The following TPD52L1 variants were observed in gnomAD, a reference collection of about 807,000 sequenced individuals.
The protein encoded by TPD52L1 is tumor protein D53.
In TPD52L1, 18 loss-of-function variants were observed where a neutral mutation model predicts 28.7. The ratio of observed to expected loss-of-function variants is 0.63; its 90% CI spans 0.43 to 0.93. The LOEUF (loss-of-function observed/expected upper bound fraction) is 0.93, where lower values mean the gene tolerates loss of function less well. Among genes scored for constraint, TPD52L1 ranks in the 40% least tolerant of loss-of-function variants. TPD52L1 has a pLI of 0.00. For missense variants in TPD52L1, 203 were observed against 254.8 expected (o/e 0.80, Z 1.39); for synonymous variants, 75 against 88.8 (o/e 0.84, Z 0.88).
chr6:125,182,391 G>T (rs1180300004), intron 1 of TPD52L1, among the ~76,000 whole-genome samples: 1 of 152,260 alleles, frequency 6.6e-6, no homozygotes, highest in African/African-American at 2.4e-5. Flanking sequence ...TGAGCAAAGT[G>T]TTGCAGGAGT....
chr6:125,161,592 A>G (rs1313720634), intron 1 of TPD52L1, among the ~76,000 whole-genome samples: 1 of 152,116 alleles, frequency 6.6e-6, no homozygotes, highest in Non-Finnish European at 1.5e-5. Context: ...TTGGCATACT[A>G]TCAATATTGT....
chr6:125,203,675 A>G, intron 1 of TPD52L1: 1 of 985,462 alleles, frequency 1.0e-6, no homozygotes, highest in Non-Finnish European at 1.2e-6. Flanking sequence ...ACCTCAGGTC[A>G]GGAATAAAAG....
chr6:125,206,306 C>A (rs926387516), intron 1 of TPD52L1, among the ~76,000 whole-genome samples: 1 of 151,180 alleles, frequency 6.6e-6, no homozygotes, highest in East Asian at 1.9e-4. Flanking sequence ...TGTCTTAGTG[C>A]AATTTATAAT....
chr6:125,246,474 A>T (rs1334068022), intron 3 of TPD52L1, among the ~76,000 whole-genome samples: 1 of 152,216 alleles, frequency 6.6e-6, no homozygotes, highest in Non-Finnish European at 1.5e-5. Flanking sequence ...GATGCACATT[A>T]GCCCTGTCTC....
intron 3 of TPD52L1, among the ~76,000 whole-genome samples, chr6:125,244,567 A>C (rs1279251852): frequency 2.0e-5 from 3 of 152,170 alleles, no homozygotes; most frequent in Non-Finnish European, 2.9e-5. Flanking sequence ...TGATGTTCCA[A>C]GTAGGGAAGA....
intron 1 of TPD52L1, among the ~76,000 whole-genome samples, chr6:125,172,537 T>TATATATATAATATATATATATATATA (rs1791520931): frequency 6.8e-5 from 6 of 88,880 alleles, no homozygotes; most frequent in African/African-American, 3.0e-4. Context: ...TATATATATA[T>TATATATATAATATATATATATATATA]ATATATATAT....
At chr6:125,170,652 A>C (rs1347574487) in intron 1 of TPD52L1, among the ~76,000 whole-genome samples, 5 of 152,038 alleles carry the variant, frequency 3.3e-5, no homozygotes, top group Non-Finnish European at 7.3e-5. Flanking sequence ...TGAGTAATAA[A>C]TTGTCTTTTG....
At chr6:125,214,226 C>A (rs1476240725) in intron 1 of TPD52L1, among the ~76,000 whole-genome samples, 1 of 152,152 alleles carries the variant, frequency 6.6e-6, no homozygotes, top group Non-Finnish European at 1.5e-5. Context: ...TTGATATAAT[C>A]CTTAGGTCAT....
At chr6:125,208,877 G>A in intron 1 of TPD52L1, 1 of 985,130 alleles carries the variant, frequency 1.0e-6, no homozygotes, top group South Asian at 4.7e-5. Flanking sequence ...CCTCACACCA[G>A]TGAAGAGAAC....
In TPD52L1 at chr6:125,153,822, G is replaced by C; in HGVS notation, c.-130G>C. The C allele has an allele frequency of 9.1e-7, 1 of 1,101,338 alleles. No individual in the cohort carries two copies. Among genetic ancestry groups the C allele is most frequent in the African/African-American group, 1.6e-5 (1 of 62,010 alleles). 68.2% of individuals were successfully genotyped at this position (1,101,338 alleles called of 1,614,324 possible). A position where few individuals can be genotyped will look rare whatever the true frequency, so the allele number is the denominator to read the frequency against. ...GCGTCCCCAACCCCCTCCGCGCAGCGCTCGCGACACGCGTGCCAGGAGTGG... is the reference window on the plus strand; with the variant it reads ...GCGTCCCCAACCCCCTCCGCGCAGCCCTCGCGACACGCGTGCCAGGAGTGG... On this transcript the variant is annotated 5_prime_UTR_variant, in exon 1 of 7. Transcript: ENST00000534000.
chr6:125,184,536 C>T (rs1792457541), intron 1 of TPD52L1, among the ~76,000 whole-genome samples: 1 of 152,122 alleles, frequency 6.6e-6, no homozygotes, highest in African/African-American at 2.4e-5. Flanking sequence ...CAGGTATGTC[C>T]ACACAGAGAG....
chr6:125,163,647 C>T (rs755076235), intron 1 of TPD52L1, among the ~76,000 whole-genome samples: 2 of 150,706 alleles, frequency 1.3e-5, no homozygotes, highest in African/African-American at 2.4e-5. Flanking sequence ...TACAACAGGC[C>T]GGGCGTGGTG....
At chr6:125,253,636 A>G in intron 4 of TPD52L1, 81 bp from the exon 5 acceptor site, 2 of 1,250,140 alleles carry the variant, frequency 1.6e-6, no homozygotes, top group Admixed American at 3.8e-5. Context: ...TTTTAGAACT[A>G]CGAATAGGGA....
chr6:125,214,457 C>T, intron 1 of TPD52L1: 1 of 984,364 alleles, frequency 1.0e-6, no homozygotes, highest in Non-Finnish European at 1.2e-6. Flanking sequence ...AGGCACATAC[C>T]TCCTCGGTAA....
chr6:125,199,069 C>G (rs1443096639), intron 1 of TPD52L1, among the ~76,000 whole-genome samples: 2 of 152,150 alleles, frequency 1.3e-5, no homozygotes, highest in African/African-American at 4.8e-5. Flanking sequence ...GGACAAAAAG[C>G]CTATCAAATC....
chr6:125,165,560 A>G (rs181438393), intron 1 of TPD52L1, among the ~76,000 whole-genome samples: 1 of 152,198 alleles, frequency 6.6e-6, no homozygotes, highest in Non-Finnish European at 1.5e-5. Flanking sequence ...CTGTAGCCAG[A>G]TCATGTACCA....
At chr6:125,220,762 G>GGGA (rs1795181693) in intron 2 of TPD52L1, among the ~76,000 whole-genome samples, 1 of 152,206 alleles carries the variant, frequency 6.6e-6, no homozygotes, top group South Asian at 2.1e-4. Flanking sequence ...TCCGGACCTA[G>GGGA]GGAGGAGGAG....
intron 1 of TPD52L1, among the ~76,000 whole-genome samples, chr6:125,203,219 T>C (rs1793903541): frequency 6.6e-6 from 1 of 152,202 alleles, no homozygotes; most frequent in African/African-American, 2.4e-5. Context: ...GTTTTTATTT[T>C]TCCTCATACA....
At chr6:125,254,990 T>C (rs1357212802) in intron 5 of TPD52L1, among the ~76,000 whole-genome samples, 1 of 152,222 alleles carries the variant, frequency 6.6e-6, no homozygotes. Flanking sequence ...TATTTGGTGG[T>C]AAACAGAGAG....
Sources: allele counts gnomAD v4.1 joint callset (sites outside exome capture counted in the v4.1 genomes callset), GRCh38; gene constraint gnomAD v4.1.1; transcripts MANE v1.5; gene names NCBI Gene and HGNC (gene_info 2026-07-23, HGNC 2026-07-21).